The following PRKN variants were observed in gnomAD, a reference collection of about 807,000 sequenced individuals.
PRKN encodes the protein parkin RBR E3 ubiquitin protein ligase.
Under a neutral mutation model 59.5 loss-of-function variants are expected in PRKN, and 56 were observed. That is an observed-to-expected ratio of 0.94 (90% CI 0.76 to 1.18). The LOEUF (loss-of-function observed/expected upper bound fraction) is 1.18, where lower values mean the gene tolerates loss of function less well. Ranked by LOEUF, PRKN falls within the 50% of genes most tolerant of loss-of-function variation. The probability of loss-of-function intolerance (pLI) is 0.00; values close to 1 mark genes in which losing one functional copy is unlikely to be tolerated. For synonymous variants in PRKN, 250 were observed against 222.1 expected (o/e 1.13, Z -1.12); for missense variants, 657 against 596.4 (o/e 1.10, Z -1.06).
intron 6 of PRKN, among the ~76,000 whole-genome samples, chr6:161,870,333 T>C (rs1794293764): frequency 6.6e-6 from 1 of 152,158 alleles, no homozygotes; most frequent in South Asian, 2.1e-4. Context: ...TCAAGTGCTG[T>C]GGGTCATGAA....
At chr6:161,534,561 G>A (rs16892738) in intron 9 of PRKN, among the ~76,000 whole-genome samples, 10,965 of 152,280 alleles carry the variant, frequency 0.072, 525 homozygotes, top group African/African-American at 0.13. Flanking sequence ...AACTGGGTAC[G>A]AAGGCCCTTA....
intron 1 of PRKN, among the ~76,000 whole-genome samples, chr6:162,638,998 C>T (rs537967623): frequency 2.0e-5 from 3 of 152,044 alleles, no homozygotes; most frequent in East Asian, 1.9e-4. Context: ...CACCCACCCG[C>T]CTTTCATACA....
intron 6 of PRKN, among the ~76,000 whole-genome samples, chr6:161,886,951 T>C (rs2128231054): frequency 6.6e-6 from 1 of 152,284 alleles, no homozygotes; most frequent in Admixed American, 6.5e-5. Flanking sequence ...ATATGTTTGC[T>C]TGTCAAAAAC....
At chr6:161,695,514 T>C (rs1374656450) in intron 7 of PRKN, among the ~76,000 whole-genome samples, 1 of 152,196 alleles carries the variant, frequency 6.6e-6, no homozygotes, top group African/African-American at 2.4e-5. Flanking sequence ...CTCAGTTATT[T>C]ACACCAGCAA....
chr6:162,534,720 A>G (rs1309378633), intron 1 of PRKN, among the ~76,000 whole-genome samples: 1 of 152,098 alleles, frequency 6.6e-6, no homozygotes. Context: ...GCTAATTGCT[A>G]AACATGTTTC....
At chr6:161,915,954 C>T (rs1468413875) in intron 6 of PRKN, among the ~76,000 whole-genome samples, 1 of 151,980 alleles carries the variant, frequency 6.6e-6, no homozygotes, top group Non-Finnish European at 1.5e-5. Context: ...TGCGAGGCTA[C>T]AGTTATGACT....
chr6:161,974,609 T>G (rs1314278842), intron 5 of PRKN, among the ~76,000 whole-genome samples: 2 of 152,272 alleles, frequency 1.3e-5, no homozygotes, highest in East Asian at 3.9e-4. Context: ...CTTTACTTCT[T>G]GTCCCACAGT....
intron 7 of PRKN, among the ~76,000 whole-genome samples, chr6:161,720,798 T>C (rs1480181527): frequency 6.6e-6 from 1 of 152,058 alleles, no homozygotes; most frequent in Admixed American, 6.6e-5. Flanking sequence ...TTAAGTCCTG[T>C]ATATTTCTTC....
chr6:162,061,847 CA>C (rs1375167098), intron 4 of PRKN, among the ~76,000 whole-genome samples: 1 of 151,680 alleles, frequency 6.6e-6, no homozygotes, highest in African/African-American at 2.4e-5. Context: ...ATAGTAGCTA[CA>C]AAAAAATGGT....
At chr6:162,537,536 T>C (rs1303261837) in intron 1 of PRKN, among the ~76,000 whole-genome samples, 1 of 152,162 alleles carries the variant, frequency 6.6e-6, no homozygotes. Flanking sequence ...ACAGTGCACG[T>C]GTGATCGCAT....
At chr6:162,506,446 C>A (rs1793612519) in intron 1 of PRKN, among the ~76,000 whole-genome samples, 1 of 152,082 alleles carries the variant, frequency 6.6e-6, no homozygotes. Flanking sequence ...CTCCCTCCAG[C>A]CCCCTGAAAT....
intron 5 of PRKN, among the ~76,000 whole-genome samples, chr6:162,017,555 T>C (rs796561842): frequency 6.6e-5 from 10 of 152,158 alleles, no homozygotes; most frequent in African/African-American, 2.4e-4. Context: ...CCATTGTAAC[T>C]ATAACTAAAT....
chr6:161,892,403 C>CAA (rs1242115829), intron 6 of PRKN, among the ~76,000 whole-genome samples: 12 of 125,984 alleles, frequency 9.5e-5, no homozygotes, highest in African/African-American at 2.9e-4. Flanking sequence ...CCACCTCAAC[C>CAA]AAAAAAAAAA....
chr6:161,875,218 A>G (rs1443959360), intron 6 of PRKN, among the ~76,000 whole-genome samples: 2 of 147,744 alleles, frequency 1.4e-5, no homozygotes, highest in African/African-American at 5.0e-5. Flanking sequence ...TTTCTGAGAC[A>G]GAGTCTCACT....
At chr6:162,714,928 A>C (rs959346807) in intron 1 of PRKN, among the ~76,000 whole-genome samples, 4 of 152,210 alleles carry the variant, frequency 2.6e-5, no homozygotes, top group African/African-American at 4.8e-5. Context: ...GCATTAAGGA[A>C]GCAGTAAGAA....
intron 1 of PRKN, among the ~76,000 whole-genome samples, chr6:162,522,557 C>A (rs1778119702): frequency 6.6e-6 from 1 of 152,168 alleles, no homozygotes; most frequent in Non-Finnish European, 1.5e-5. Flanking sequence ...ATAAAGTGAG[C>A]AAGTTTTGTT....
chr6:162,653,685 A>G lies in PRKN; in HGVS notation c.7+73977T>C, dbSNP rs193157071. The stretch of plus-strand genomic sequence containing the variant: ...CTAAGTTTTCCCTTGCATAAAAGAC[A>G]AATCGTTATAATATCTACTTCACAG... On this transcript the variant is annotated intron_variant, in intron 1 of 11. Transcript: ENST00000366898. Among the ~76,000 whole-genome samples the G allele has an allele frequency of 2.0e-5, 3 of 152,268 alleles. No individual in the cohort carries two copies. The East Asian group carries it at 5.8e-4, about 29-fold the overall frequency.
At chr6:161,411,223 G>A (rs532370578) in intron 9 of PRKN, among the ~76,000 whole-genome samples, 8 of 152,178 alleles carry the variant, frequency 5.3e-5, no homozygotes, top group East Asian at 3.9e-4. Context: ...ATCCCCACAC[G>A]TCAAGAGTGG....
intron 7 of PRKN, among the ~76,000 whole-genome samples, chr6:161,710,172 A>G (rs1315026794): frequency 6.6e-6 from 1 of 152,038 alleles, no homozygotes; most frequent in African/African-American, 2.4e-5. Flanking sequence ...AGCTTTGTCA[A>G]TTGTTCAATT....
Sources: gnomAD v4.1 joint callset for allele counts (sites outside exome capture counted in the v4.1 genomes callset) on GRCh38, gnomAD v4.1.1 for gene constraint, MANE v1.5 for transcripts, NCBI Gene and HGNC (gene_info 2026-07-23, HGNC 2026-07-21) for gene names.